Variants in DCAF12 observed in about 807,000 individuals in gnomAD.
DCAF12 encodes DDB1 and CUL4 associated factor 12.
In DCAF12, 28 loss-of-function variants were observed where a neutral mutation model predicts 52.8. That is an observed-to-expected ratio of 0.53 (90% CI 0.39 to 0.73). The LOEUF is 0.73. Ranked by LOEUF, DCAF12 falls within the 30% of genes least tolerant of loss-of-function variation. The pLI, the probability that DCAF12 is intolerant of heterozygous loss-of-function variation, is 0.00. For synonymous variants in DCAF12, 196 were observed against 215.5 expected (o/e 0.91, Z 0.79); for missense variants, 425 against 552.2 (o/e 0.77, Z 2.31).
rs552627196 is a variant in DCAF12, at chr9:34,106,577, C to G, written c.541-83G>C. 1.0e-4 allele frequency: 119 copies of G among 1,138,992 alleles called. 1 individual carries two copies. In the South Asian group the frequency reaches 1.4e-3, roughly 13 times the overall value. 70.6% of individuals were successfully genotyped at this position (1,138,992 alleles called of 1,614,324 possible). A position where few individuals can be genotyped will look rare whatever the true frequency, so the allele number is the denominator to read the frequency against. On this transcript the variant is annotated intron_variant, in intron 3 of 8. Transcript: ENST00000361264. ...GATTGTAATAAACTCTCTAAAGAAG[C>G]ATACAAGTCAGACTGAAAATATTTT...
At chr9:34,111,358 C>G (rs1829000387) in intron 2 of DCAF12, among the ~76,000 whole-genome samples, 1 of 152,202 alleles carries the variant, frequency 6.6e-6, no homozygotes. Context: ...TTGGACTACT[C>G]TCTAAATGTC....
At chr9:34,099,579 CTTTT>C (rs1215490052) in intron 4 of DCAF12, among the ~76,000 whole-genome samples, 1 of 150,656 alleles carries the variant, frequency 6.6e-6, no homozygotes, top group Non-Finnish European at 1.5e-5. Flanking sequence ...AGCTAATTTT[CTTTT>C]TTATTTTTCT....
At chr9:34,126,332 G>A (rs1829249362) in intron 1 of DCAF12, 22 bp downstream of exon 1, 3 of 1,611,660 alleles carry the variant, frequency 1.9e-6, no homozygotes, top group African/African-American at 1.3e-5. Flanking sequence ...CACCACCCAG[G>A]TGCCGGCCTC....
chr9:34,112,487 G>C (rs367981564), intron 2 of DCAF12, among the ~76,000 whole-genome samples: 1 of 151,826 alleles, frequency 6.6e-6, no homozygotes, highest in East Asian at 1.9e-4. Flanking sequence ...CTGGCTACTC[G>C]GGAGGCTGAG....
At chr9:34,093,503 A>G in intron 6 of DCAF12, 55 bp from the exon 7 acceptor site, 9 of 1,592,634 alleles carry the variant, frequency 5.7e-6, no homozygotes, top group Non-Finnish European at 7.7e-6. Flanking sequence ...TAAGGCAGGG[A>G]TATTGTTTCT....
chr9:34,090,487 T>C (rs1331333761), intron 7 of DCAF12, among the ~76,000 whole-genome samples: 1 of 152,192 alleles, frequency 6.6e-6, no homozygotes, highest in Non-Finnish European at 1.5e-5. Context: ...ACACATCTGC[T>C]GTACTTGGGG....
chr9:34,096,182 T>A (rs919315064), intron 6 of DCAF12: 1 of 152,230 alleles, frequency 6.6e-6, no homozygotes, highest in Non-Finnish European at 1.5e-5. Flanking sequence ...ATAGTGAGAC[T>A]CTGTCTCTAC....
intron 5 of DCAF12, among the ~76,000 whole-genome samples, chr9:34,097,939 G>T (rs200920435): frequency 1.0e-5 from 1 of 98,092 alleles, no homozygotes; most frequent in East Asian, 2.9e-4. Context: ...GTCTCAAAAA[G>T]AAAAAAAAAA....
chr9:34,089,462 G>A lies in DCAF12; in HGVS notation c.1153C>T (p.Pro385Ser), dbSNP rs776981961. 3 of 1,614,084 alleles carry A rather than the reference G, an allele frequency of 1.9e-6. No individual in the cohort carries two copies. The highest frequency in any genetic ancestry group is 1.7e-6 in the Non-Finnish European group (2 of 1,180,014). Residue 385 changes from proline to serine, a missense_variant, in exon 8 of 9, where the codon CCC (proline) becomes TCC (serine). Coordinates refer to ENST00000361264, the MANE Select transcript of DCAF12 (RefSeq NM_015397.4). ...ERLSACYGSKPRLAGENLKLT... is the reference protein window; with the variant it reads ...ERLSACYGSKSRLAGENLKLT... ...TTCAGATTCTCCCCTGCTAGTCTGG[G>A]CTTGGACCCATAACAAGCTGAGAGC...
rs1234542589 is a variant in DCAF12 at position 34,108,793 on chromosome 9, C to CAAAAA, written c.334-1233_334-1229dup. Among the ~76,000 whole-genome samples the CAAAAA allele has an allele frequency of 8.7e-3, 704 of 81,200 alleles. 16 individuals carry two copies. The highest frequency in any genetic ancestry group is 0.08 in the East Asian group (301 of 3,746). The allele number at this position is 81,200 out of a possible 152,430, so 53.3% of individuals were successfully genotyped here. On this transcript the variant is annotated intron_variant, in intron 2 of 8. Coordinates refer to ENST00000361264, the MANE Select transcript of DCAF12 (RefSeq NM_015397.4). ...AGTGTGAGACTGTGAGACTTGGTCTCAAAAAAAATAAATAAATAAATATAT... is the reference window on the plus strand; with the variant it reads ...AGTGTGAGACTGTGAGACTTGGTCTCAAAAAAAAAAAAATAAATAAATAAATATAT...
At chr9:34,109,832 G>A (rs547702464) in intron 2 of DCAF12, 36 of 326,488 alleles carry the variant, frequency 1.1e-4, no homozygotes, top group African/African-American at 5.5e-4. Flanking sequence ...TTTAGGGGTC[G>A]GAAGCAGATG....
rs1011181576 is a variant in DCAF12 at position 34,125,225 on chromosome 9, C to T, written c.131G>A (p.Arg44Lys). The change falls in exon 2 of 9, where the codon AGA becomes AAA. Residue 44 changes from arginine to lysine, a missense_variant. Physicochemically the swap from Arg to Lys is conservative, Grantham distance 26. This residue lies in a region of DCAF12 where 89 missense variants were observed against 84.9 expected (regional missense o/e 1.05). Coordinates refer to ENST00000361264, the MANE Select transcript of DCAF12 (RefSeq NM_015397.4). The stretch of plus-strand genomic sequence containing the variant: ...GTTCTTCAAGTAGTATACTAAGGAT[C>T]TCTTCACAGGAGGAAGTCTTTTCCT... ...HKRKRLPPVK[R>K]SLVYYLKNRE... 8.7e-6 allele frequency: 14 copies of T among 1,614,108 alleles called. No homozygotes were observed. The highest frequency in any genetic ancestry group is 1.3e-5 in the African/African-American group (1 of 74,928).
intron 2 of DCAF12, among the ~76,000 whole-genome samples, chr9:34,112,589 A>G (rs1175162758): frequency 1.3e-5 from 2 of 149,098 alleles, no homozygotes; most frequent in Admixed American, 1.3e-4. Context: ...GTGAGAATCC[A>G]TCTCAAAAAC....
intron 2 of DCAF12, among the ~76,000 whole-genome samples, chr9:34,114,848 T>C (rs968944935): frequency 6.6e-6 from 1 of 151,994 alleles, no homozygotes; most frequent in African/African-American, 2.4e-5. Context: ...GAACCTATCG[T>C]CCCAGCTATT....
In DCAF12 at chr9:34,096,696, C is replaced by A. The variant is rs1421712061; in HGVS notation, c.861+20G>T. ...TAAGGTGAATTATTAGGTAAAACCACAAAATCATGTTCATCACACCTTAGA... is the reference window on the plus strand; with the variant it reads ...TAAGGTGAATTATTAGGTAAAACCAAAAAATCATGTTCATCACACCTTAGA... On this transcript the variant is annotated intron_variant, in intron 6 of 8. Coordinates refer to ENST00000361264, the MANE Select transcript of DCAF12 (RefSeq NM_015397.4). 6.2e-7 allele frequency: 1 copy of A among 1,609,964 alleles called. No homozygotes were observed.
intron 5 of DCAF12, among the ~76,000 whole-genome samples, chr9:34,097,228 C>G (rs577711415): frequency 6.8e-6 from 1 of 147,102 alleles, no homozygotes; most frequent in African/African-American, 2.5e-5. Flanking sequence ...AAGCCTTTCT[C>G]TGGCTCTGGG....
intron 2 of DCAF12, among the ~76,000 whole-genome samples, chr9:34,117,975 T>A (rs543356081): frequency 2.6e-5 from 4 of 152,282 alleles, no homozygotes; most frequent in East Asian, 3.9e-4. Context: ...CTATTTAGTA[T>A]TGCTTTTATA....
rs756625241 is a variant in DCAF12 at position 34,126,372 on chromosome 9, G to A, written c.60C>T (p.Ser20=). ...CCCTCACCTGCGGGCCCTGAGCGTC[G>A]CTCCCAGCTCCCGGCGAGGCGGGCG... ...RKAPASPGAG[S]DAQGPQFGWD... The change falls in exon 1 of 9, where the codon AGC becomes AGT. Residue 20 remains serine (S), a synonymous_variant. Coordinates refer to ENST00000361264, the MANE Select transcript of DCAF12 (RefSeq NM_015397.4). 1 of 1,612,080 alleles carries A rather than the reference G, an allele frequency of 6.2e-7. No individual in the cohort carries two copies. Among genetic ancestry groups the A allele is most frequent in the Non-Finnish European group, 8.5e-7 (1 of 1,179,762 alleles).
chr9:34,096,695 A>AT (rs1385974616), intron 6 of DCAF12, 21 bp downstream of exon 6: 1 of 1,610,046 alleles, frequency 6.2e-7, no homozygotes. Flanking sequence ...AGGTAAAACC[A>AT]CAAAATCATG....
Sources: gnomAD v4.1 joint callset for allele counts (sites outside exome capture counted in the v4.1 genomes callset) on GRCh38, gnomAD v4.1.1 for gene constraint, gnomAD v4.1.1 regional missense constraint, MANE v1.5 for transcripts, NCBI Gene and HGNC (gene_info 2026-07-23, HGNC 2026-07-21) for gene names.